The following PDE7B variants were observed in gnomAD, a reference collection of about 807,000 sequenced individuals.
PDE7B encodes phosphodiesterase 7B.
A neutral mutation model predicts 56.2 loss-of-function variants in PDE7B; 29 were observed. The ratio of observed to expected loss-of-function variants is 0.52; its 90% CI spans 0.38 to 0.70. PDE7B has a LOEUF of 0.70. PDE7B is among the 30% of genes least tolerant of loss of function. PDE7B has a pLI of 0.00. For missense variants in PDE7B, 490 were observed against 565.0 expected, an observed-to-expected ratio of 0.87 and a Z score of 1.35; for synonymous variants, 197 against 196.9, an observed-to-expected ratio of 1.00 and a Z score of 0.00.
intron 11 of PDE7B, among the ~76,000 whole-genome samples, chr6:136,183,315 T>C (rs180768449): frequency 1.3e-4 from 20 of 151,986 alleles, no homozygotes; most frequent in Non-Finnish European, 2.9e-4. Context: ...GATTATAGGC[T>C]GGGCATGGTG....
At chr6:135,932,837 A>G (rs1774317982) in intron 1 of PDE7B, among the ~76,000 whole-genome samples, 1 of 152,200 alleles carries the variant, frequency 6.6e-6, no homozygotes, top group Admixed American at 6.5e-5. Flanking sequence ...CAAAGGGAAG[A>G]GCAAAGCTTC....
intron 3 of PDE7B, among the ~76,000 whole-genome samples, chr6:136,130,544 A>G (rs571967220): frequency 6.6e-6 from 1 of 152,206 alleles, no homozygotes; most frequent in Non-Finnish European, 1.5e-5. Context: ...TTTTTGCTTT[A>G]TACAGTATTT....
At chr6:135,882,001 A>C (rs1273485898) in intron 1 of PDE7B, among the ~76,000 whole-genome samples, 1 of 152,156 alleles carries the variant, frequency 6.6e-6, no homozygotes, top group African/African-American at 2.4e-5. Flanking sequence ...GTCTTTATTT[A>C]GTAGAGGTGA....
At chr6:136,088,987 TC>T (rs1777338527) in intron 2 of PDE7B, among the ~76,000 whole-genome samples, 3 of 149,226 alleles carry the variant, frequency 2.0e-5, no homozygotes, top group Admixed American at 2.0e-4. Context: ...TGTATGCCTT[TC>T]CCCCGCCAAA....
intron 2 of PDE7B, among the ~76,000 whole-genome samples, chr6:136,008,536 T>A (rs372404633): frequency 4.6e-5 from 7 of 152,264 alleles, no homozygotes; most frequent in African/African-American, 4.8e-5. Context: ...CTAACTAGTG[T>A]GAGATGGTAT....
At chr6:135,914,377 C>T (rs540089989) in intron 1 of PDE7B, among the ~76,000 whole-genome samples, 37 of 151,810 alleles carry the variant, frequency 2.4e-4, no homozygotes, top group Admixed American at 6.6e-4. Flanking sequence ...CACCCCACTT[C>T]CCAGCACTGA....
At chr6:136,145,656 C>T (rs1159158059) in intron 3 of PDE7B, among the ~76,000 whole-genome samples, 1 of 152,082 alleles carries the variant, frequency 6.6e-6, no homozygotes, top group Non-Finnish European at 1.5e-5. Context: ...TTTTAATGAT[C>T]GCATCTTCCT....
intron 2 of PDE7B, among the ~76,000 whole-genome samples, chr6:136,075,737 A>T (rs1777117774): frequency 6.6e-6 from 1 of 152,084 alleles, no homozygotes; most frequent in Non-Finnish European, 1.5e-5. Context: ...GATCCCTGAA[A>T]AGGGTACTCA....
chr6:135,934,486 G>C (rs868856935), intron 1 of PDE7B, among the ~76,000 whole-genome samples: 11 of 151,560 alleles, frequency 7.3e-5, no homozygotes, highest in African/African-American at 2.7e-4. Context: ...CAGCACTTTG[G>C]GAGGCCAAGG....
At chr6:136,136,685 T>C (rs1290397659) in intron 3 of PDE7B, among the ~76,000 whole-genome samples, 1 of 150,908 alleles carries the variant, frequency 6.6e-6, no homozygotes, top group African/African-American at 2.4e-5. Context: ...CCCATAAATA[T>C]GTATATACCT....
chr6:135,947,352 A>G, intron 1 of PDE7B, 112 bp from the exon 2 acceptor site: 1 of 832,882 alleles, frequency 1.2e-6, no homozygotes, highest in Non-Finnish European at 2.0e-6. Context: ...TCAGGTAACC[A>G]ATGAAAACAA....
At chr6:136,013,278 C>A (rs369609770) in intron 2 of PDE7B, among the ~76,000 whole-genome samples, 2 of 152,246 alleles carry the variant, frequency 1.3e-5, no homozygotes, top group African/African-American at 4.8e-5. Flanking sequence ...CATAATAAAT[C>A]TTTAAAGTTT....
At chr6:136,062,843 G>A (rs905864971) in intron 2 of PDE7B, among the ~76,000 whole-genome samples, 1 of 152,118 alleles carries the variant, frequency 6.6e-6, no homozygotes, top group African/African-American at 2.4e-5. Flanking sequence ...ATTGCTCTAG[G>A]CATGCACTAG....
At chr6:136,057,804 T>A (rs896325706) in intron 2 of PDE7B, among the ~76,000 whole-genome samples, 1 of 152,132 alleles carries the variant, frequency 6.6e-6, no homozygotes, top group African/African-American at 2.4e-5. Flanking sequence ...TGGTGCCATC[T>A]CAGCTCACGG....
intron 1 of PDE7B, among the ~76,000 whole-genome samples, chr6:135,858,161 G>A (rs1200270728): frequency 6.6e-6 from 1 of 151,414 alleles, no homozygotes; most frequent in African/African-American, 2.4e-5. Flanking sequence ...CTATTTTTTT[G>A]TTTGTTTTTG....
chr6:136,022,349 T>G (rs1776086474), intron 2 of PDE7B, among the ~76,000 whole-genome samples: 1 of 152,240 alleles, frequency 6.6e-6, no homozygotes, highest in South Asian at 2.1e-4. Context: ...GCTTAGACCA[T>G]GACTGGCCCA....
intron 1 of PDE7B, among the ~76,000 whole-genome samples, chr6:135,903,536 A>C (rs1011775779): frequency 7.9e-5 from 12 of 152,196 alleles, no homozygotes; most frequent in South Asian, 2.1e-4. Flanking sequence ...ATGTCAACCA[A>C]ACCAAATTTC....
intron 1 of PDE7B, among the ~76,000 whole-genome samples, chr6:135,858,433 G>A (rs1170159788): frequency 2.0e-5 from 3 of 152,186 alleles, no homozygotes; most frequent in Non-Finnish European, 4.4e-5. Context: ...TATTGCAGGT[G>A]TAAGCCACCA....
intron 2 of PDE7B, among the ~76,000 whole-genome samples, chr6:135,983,327 G>C (rs932905544): frequency 1.3e-5 from 2 of 152,166 alleles, no homozygotes; most frequent in Non-Finnish European, 2.9e-5. Context: ...AAAGAGACCT[G>C]TCCATGTCCT....
Sources: allele counts gnomAD v4.1 joint callset (sites outside exome capture counted in the v4.1 genomes callset), GRCh38; gene constraint gnomAD v4.1.1; transcripts MANE v1.5; gene names NCBI Gene and HGNC (gene_info 2026-07-23, HGNC 2026-07-21).